Variants in SLC45A4 observed in about 807,000 individuals in gnomAD.
SLC45A4 encodes the protein solute carrier family 45 member 4, also known as polyamine-transporter SLC45A4.
SLC45A4 carries 32 observed loss-of-function variants against 63.7 expected under a neutral mutation model. That is an observed-to-expected ratio of 0.50 (90% CI 0.38 to 0.67). The LOEUF (loss-of-function observed/expected upper bound fraction) is 0.67, where lower values mean the gene tolerates loss of function less well. Among genes scored for constraint, SLC45A4 ranks in the 30% least tolerant of loss-of-function variants. The pLI, the probability that SLC45A4 is intolerant of heterozygous loss-of-function variation, is 0.00. For synonymous variants in SLC45A4, 535 were observed against 510.0 expected (o/e 1.05, Z -0.66); for missense variants, 1,027 against 1,157.7 (o/e 0.89, Z 1.64).
intron 1 of SLC45A4, among the ~76,000 whole-genome samples, chr8:141,300,265 C>T (rs1830698978): frequency 6.6e-6 from 1 of 152,306 alleles, no homozygotes; most frequent in Non-Finnish European, 1.5e-5. Flanking sequence ...CCAGGTCCGT[C>T]AAATCTCCTC....
intron 1 of SLC45A4, among the ~76,000 whole-genome samples, chr8:141,286,265 G>C (rs564141796): frequency 1.3e-5 from 2 of 152,168 alleles, no homozygotes; most frequent in Admixed American, 6.5e-5. Context: ...CGGGAGCTGA[G>C]GAGAATGGGC....
chr8:141,273,968 G>A (rs1482952782), intron 1 of SLC45A4, among the ~76,000 whole-genome samples: 1 of 152,198 alleles, frequency 6.6e-6, no homozygotes, highest in Non-Finnish European at 1.5e-5. Context: ...GGTGGCTCAC[G>A]CCTGTAATCC....
chr8:141,215,944 A>C lies in SLC45A4; in HGVS notation c.1756T>G (p.Tyr586Asp). ...SALLQKYLDN[Y>D]DLSVRVIYVL... is the part of the protein sequence containing the mutation. The stretch of plus-strand genomic sequence containing the variant: ...TAGATCACCCTGACGCTCAGGTCGT[A>C]GTTGTCCAAGTACTTCTGTAACAGG... The change falls in exon 7 of 9, where the codon TAC (tyrosine) becomes GAC (aspartate). Residue 586 changes from tyrosine to aspartate, a missense_variant. By Grantham distance (160) the Tyr-to-Asp change is radical. Transcript: ENST00000517878. The surrounding 1 kb of genome is among the most constrained non-coding windows in gnomAD (Gnocchi z 4.3). 1 of 1,613,912 alleles carries C rather than the reference A, an allele frequency of 6.2e-7. No homozygotes were observed. The highest frequency in any genetic ancestry group is 8.5e-7 in the Non-Finnish European group (1 of 1,179,956).
rs115101890 is a variant in SLC45A4, at chr8:141,282,850, C to T, written c.-401+25246G>A. On this transcript the variant is annotated intron_variant, in intron 1 of 8. Coordinates refer to ENST00000517878, the MANE Select transcript of SLC45A4 (RefSeq NM_001286646.2). The stretch of plus-strand genomic sequence containing the variant: ...CCGCTCAAGTGCCACAGTGACTTCT[C>T]ATCTGGGTGCCCAGAAGTGGGGCTG... Among the ~76,000 whole-genome samples, 802 of 152,340 alleles carry T rather than the reference C, an allele frequency of 5.3e-3. 5 individuals carry two copies. Among genetic ancestry groups the T allele is most frequent in the African/African-American group, 0.018 (738 of 41,564 alleles).
Position 141,229,668 on chromosome 8 carries a change from G to A in SLC45A4, c.242-7903C>T, listed in dbSNP as rs947038944. Among the ~76,000 whole-genome samples the A allele has an allele frequency of 6.6e-6, 1 of 152,162 alleles. No individual in the cohort carries two copies. Among genetic ancestry groups the A allele is most frequent in the Non-Finnish European group, 1.5e-5 (1 of 68,032 alleles). On this transcript the variant is annotated intron_variant, in intron 2 of 8. Transcript: ENST00000517878. The surrounding 1 kb of genome is among the most constrained non-coding windows in gnomAD (Gnocchi z 5.0). ...AGAGACCCTGCTGCCACTCCAGTGC[G>A]TGCCAGGTGGGCCCTGACAACAGAC...
intron 2 of SLC45A4, among the ~76,000 whole-genome samples, chr8:141,247,688 A>G (rs1828283909): frequency 6.6e-6 from 1 of 152,232 alleles, no homozygotes; most frequent in Non-Finnish European, 1.5e-5. Context: ...CTGGGATTAC[A>G]GGTGTGAGTC....
intron 1 of SLC45A4, among the ~76,000 whole-genome samples, chr8:141,300,422 G>A (rs1167755476): frequency 6.6e-6 from 1 of 152,238 alleles, no homozygotes; most frequent in East Asian, 1.9e-4. Flanking sequence ...GCTAAAAATA[G>A]TAAATCTTTC....
intron 2 of SLC45A4, among the ~76,000 whole-genome samples, chr8:141,246,941 A>C (rs1259736302): frequency 2.0e-5 from 3 of 152,196 alleles, no homozygotes; most frequent in African/African-American, 7.2e-5. Flanking sequence ...CAACACAGTG[A>C]GACACCATCT....
At chr8:141,233,762 C>A (rs182836833) in intron 2 of SLC45A4, among the ~76,000 whole-genome samples, 1 of 152,204 alleles carries the variant, frequency 6.6e-6, no homozygotes, top group South Asian at 2.1e-4. Context: ...CTGCCCAAGA[C>A]GGCAGGCCCC....
chr8:141,235,701 G>C (rs1827591027), intron 2 of SLC45A4, among the ~76,000 whole-genome samples: 1 of 152,194 alleles, frequency 6.6e-6, no homozygotes, highest in African/African-American at 2.4e-5. Flanking sequence ...AACAAACCAT[G>C]CCGTCAAAAC....
At chr8:141,292,329 G>A (rs527764515) in intron 1 of SLC45A4, among the ~76,000 whole-genome samples, 1 of 152,362 alleles carries the variant, frequency 6.6e-6, no homozygotes, top group South Asian at 2.1e-4. Flanking sequence ...AGGTTCCTCA[G>A]CTATGTGGGC....
chr8:141,268,689 C>G (rs1280632393), intron 1 of SLC45A4, among the ~76,000 whole-genome samples: 1 of 152,182 alleles, frequency 6.6e-6, no homozygotes, highest in Non-Finnish European at 1.5e-5. Flanking sequence ...CTGATAATCC[C>G]TGGTTGTCCA....
chr8:141,306,766 C>G (rs1830909022), intron 1 of SLC45A4, among the ~76,000 whole-genome samples: 1 of 152,254 alleles, frequency 6.6e-6, no homozygotes, highest in Non-Finnish European at 1.5e-5. Flanking sequence ...GCAGGGCGCT[C>G]TCAGTAATGC....
intron 1 of SLC45A4, among the ~76,000 whole-genome samples, chr8:141,270,996 G>A (rs1288004602): frequency 6.6e-6 from 1 of 152,162 alleles, no homozygotes; most frequent in Non-Finnish European, 1.5e-5. Flanking sequence ...CAAATGAAGC[G>A]CCTTGGGTGC....
rs1033325767 is a variant in SLC45A4 at position 141,288,869 on chromosome 8, T to A, written c.-401+19227A>T. ...CGTGCAGCCACATTTTCTGTGGGAC[T>A]CCCCGTCCAAATGCAGATGGCCAGG... On this transcript the variant is annotated intron_variant, in intron 1 of 8. Transcript: ENST00000517878. 2.0e-5 allele frequency among the ~76,000 whole-genome samples: 3 copies of A among 152,212 alleles called. No homozygotes were observed. In the South Asian group the frequency reaches 6.2e-4, roughly 32 times the overall value.
At chr8:141,247,276 C>T (rs151295814) in intron 2 of SLC45A4, among the ~76,000 whole-genome samples, 179 of 152,230 alleles carry the variant, frequency 1.2e-3, no homozygotes, top group African/African-American at 3.8e-3. Flanking sequence ...CTCTATAGAA[C>T]GATGAACAAC....
rs1173576308 is a variant in SLC45A4 at position 141,295,958 on chromosome 8, ACAAGACCACCATC to A, written c.-401+12125_-401+12137del. 7.2e-5 allele frequency among the ~76,000 whole-genome samples: 11 copies of A among 152,300 alleles called. 1 individual carries two copies. Among genetic ancestry groups the A allele is most frequent in the Admixed American group, 5.2e-4 (8 of 15,294 alleles). Reference sequence around the variant, plus strand: ...GTGTCCACAGCCCGGGGTCAGCCCGACAAGACCACCATCCAAGCCTGGCCCCTAGGAAACAGGC... The same window carrying A: ...GTGTCCACAGCCCGGGGTCAGCCCGACAAGCCTGGCCCCTAGGAAACAGGC... On this transcript the variant is annotated intron_variant, in intron 1 of 8. Transcript: ENST00000517878.
At chr8:141,307,648 G>C (rs1030399940) in intron 1 of SLC45A4, among the ~76,000 whole-genome samples, 1 of 152,148 alleles carries the variant, frequency 6.6e-6, no homozygotes, top group Non-Finnish European at 1.5e-5. Flanking sequence ...ATAAGTTAGA[G>C]ATAGCAGGCA....
At chr8:141,299,164 C>T (rs906506511) in intron 1 of SLC45A4, among the ~76,000 whole-genome samples, 2 of 152,184 alleles carry the variant, frequency 1.3e-5, no homozygotes, top group Non-Finnish European at 1.5e-5. Context: ...GCAGAAGCTC[C>T]GAGCACTGGG....
Sources: gnomAD v4.1 joint callset for allele counts (sites outside exome capture counted in the v4.1 genomes callset) on GRCh38, gnomAD v4.1.1 for gene constraint, Gnocchi (gnomAD v3.1) non-coding constraint, MANE v1.5 for transcripts, NCBI Gene and HGNC (gene_info 2026-07-23, HGNC 2026-07-21) for gene names.